Variants in PALM2AKAP2 observed in about 807,000 individuals in gnomAD.
PALM2AKAP2 encodes the protein PALM2 and AKAP2 fusion.
A neutral mutation model predicts 71.5 loss-of-function variants in PALM2AKAP2; 37 were observed. The observed-to-expected ratio is 0.52, with a 90% CI of 0.40 to 0.68. The LOEUF is 0.68. Ranked by LOEUF, PALM2AKAP2 falls within the 30% of genes least tolerant of loss-of-function variation. The probability of loss-of-function intolerance (pLI) is 0.00; values close to 1 mark genes in which losing one functional copy is unlikely to be tolerated. For missense variants in PALM2AKAP2, 1,224 were observed against 1,191.8 expected (o/e 1.03, Z -0.40); for synonymous variants, 468 against 478.8 (o/e 0.98, Z 0.29).
intron 1 of PALM2AKAP2, among the ~76,000 whole-genome samples, chr9:110,095,448 G>A (rs1215774620): frequency 6.6e-6 from 1 of 152,146 alleles, no homozygotes; most frequent in Non-Finnish European, 1.5e-5. Context: ...AACTTGAGCT[G>A]CTTGTGTTTT....
chr9:110,089,983 C>G (rs1834667961), intron 1 of PALM2AKAP2, among the ~76,000 whole-genome samples: 1 of 152,204 alleles, frequency 6.6e-6, no homozygotes, highest in Non-Finnish European at 1.5e-5. Flanking sequence ...TATCCTATTA[C>G]ATTTGAATTC....
intron 6 of PALM2AKAP2, among the ~76,000 whole-genome samples, chr9:109,967,411 CT>C (rs561453860): frequency 0.12 from 17,278 of 141,838 alleles, 1,212 homozygotes; most frequent in African/African-American, 0.2. Flanking sequence ...GACTCCGTGT[CT>C]TTTTTTTTTT....
At chr9:109,830,263 A>G (rs192577047) in intron 1 of PALM2AKAP2, among the ~76,000 whole-genome samples, 1 of 152,322 alleles carries the variant, frequency 6.6e-6, no homozygotes, top group Non-Finnish European at 1.5e-5. Context: ...TACTTTATGC[A>G]TTGACTAGGA....
chr9:110,170,942 G>A (rs1275675907), exon 4 of PALM2AKAP2: 1 of 152,534 alleles, frequency 6.6e-6, no homozygotes, highest in Non-Finnish European at 1.5e-5. Context: ...TGGCAGTTAG[G>A]ATGGCTGGAG....
upstream of PALM2AKAP2, among the ~76,000 whole-genome samples, chr9:110,045,573 T>C (rs1344114436): frequency 6.6e-6 from 1 of 150,786 alleles, no homozygotes; most frequent in Non-Finnish European, 1.5e-5. Context: ...TTCTTTTTTC[T>C]TTCTCTTTTT....
At chr9:109,902,126 A>G (rs1378387968) in intron 3 of PALM2AKAP2, among the ~76,000 whole-genome samples, 9 of 152,210 alleles carry the variant, frequency 5.9e-5, no homozygotes, top group Admixed American at 5.9e-4. Flanking sequence ...GACTGACCTC[A>G]TCTGAATCTC....
intron 2 of PALM2AKAP2, among the ~76,000 whole-genome samples, chr9:110,151,116 T>G (rs1836302021): frequency 6.6e-6 from 1 of 152,258 alleles, no homozygotes; most frequent in African/African-American, 2.4e-5. Flanking sequence ...GGAAGCTGGT[T>G]AACTACTGTA....
exon 4 of PALM2AKAP2, chr9:110,172,020 A>G (rs997447930): frequency 3.9e-5 from 6 of 152,694 alleles, no homozygotes; most frequent in African/African-American, 1.4e-4. Context: ...TATAAGCCGT[A>G]TATAGATCAA....
chr9:110,027,106 C>T (rs1489418620), intron 7 of PALM2AKAP2, among the ~76,000 whole-genome samples: 2 of 152,098 alleles, frequency 1.3e-5, no homozygotes, highest in African/African-American at 4.8e-5. Context: ...AAGTAGGAAG[C>T]TGCTACAAGC....
intron 3 of PALM2AKAP2, among the ~76,000 whole-genome samples, chr9:109,886,529 G>A (rs1362007242): frequency 1.3e-5 from 2 of 152,214 alleles, no homozygotes; most frequent in African/African-American, 4.8e-5. Context: ...CAGTGAAGAT[G>A]AGAAACTTCA....
intron 1 of PALM2AKAP2, among the ~76,000 whole-genome samples, chr9:109,805,382 TTAAAA>T (rs549807560): frequency 2.6e-5 from 4 of 152,266 alleles, no homozygotes; most frequent in Non-Finnish European, 5.9e-5. Flanking sequence ...TATGGGTTTC[TTAAAA>T]TAAAATGACC....
At chr9:109,702,134 G>C (rs1312692493) in intron 1 of PALM2AKAP2, among the ~76,000 whole-genome samples, 6 of 152,124 alleles carry the variant, frequency 3.9e-5, no homozygotes, top group Non-Finnish European at 8.8e-5. Flanking sequence ...CATTTTTACA[G>C]TGTTGGTGGG....
intron 2 of PALM2AKAP2, among the ~76,000 whole-genome samples, chr9:109,870,820 G>A (rs1829584180): frequency 6.6e-6 from 1 of 152,094 alleles, no homozygotes; most frequent in Non-Finnish European, 1.5e-5. Context: ...AGATCATGTG[G>A]AGACATGTCA....
intron 1 of PALM2AKAP2, among the ~76,000 whole-genome samples, chr9:109,807,583 A>G (rs571631879): frequency 6.6e-6 from 1 of 151,196 alleles, no homozygotes; most frequent in Non-Finnish European, 1.5e-5. Context: ...TGTCTGAAAG[A>G]ATTCCAATAT....
chr9:109,863,682 G>A (rs1313515939), intron 1 of PALM2AKAP2, among the ~76,000 whole-genome samples: 1 of 152,230 alleles, frequency 6.6e-6, no homozygotes, highest in Non-Finnish European at 1.5e-5. Flanking sequence ...GAAACTGCAA[G>A]TGAGTTCCTT....
intron 1 of PALM2AKAP2, among the ~76,000 whole-genome samples, chr9:109,764,102 C>T (rs1434947808): frequency 1.3e-5 from 2 of 152,126 alleles, no homozygotes; most frequent in Non-Finnish European, 2.9e-5. Context: ...CTCCTATTGT[C>T]TCTTGACTAT....
At chr9:110,038,101 C>G (rs751265022) in intron 7 of PALM2AKAP2, among the ~76,000 whole-genome samples, 1 of 152,124 alleles carries the variant, frequency 6.6e-6, no homozygotes, top group African/African-American at 2.4e-5. Flanking sequence ...CTTTGGAAGG[C>G]CCTCAAGGTG....
chr9:110,043,626 C>T (rs1393495749), intron 7 of PALM2AKAP2, among the ~76,000 whole-genome samples: 3 of 150,710 alleles, frequency 2.0e-5, no homozygotes, highest in African/African-American at 7.3e-5. Flanking sequence ...ATTTTACTTG[C>T]ACTTTTTTAA....
intron 2 of PALM2AKAP2, among the ~76,000 whole-genome samples, chr9:110,154,300 T>C (rs541262908): frequency 6.6e-6 from 1 of 152,306 alleles, no homozygotes; most frequent in African/African-American, 2.4e-5. Flanking sequence ...CCCAAAGTGA[T>C]TTGGCTGCCA....
Sources: gnomAD v4.1 joint callset for allele counts (sites outside exome capture counted in the v4.1 genomes callset) on GRCh38, gnomAD v4.1.1 for gene constraint, MANE v1.5 for transcripts, NCBI Gene and HGNC (gene_info 2026-07-23, HGNC 2026-07-21) for gene names.